AIG1: variants seen among roughly 807,000 people sequenced by gnomAD.
AIG1 encodes androgen-induced gene 1 protein.
In AIG1, 23 loss-of-function variants were observed where a neutral mutation model predicts 31.4. The observed-to-expected ratio is 0.73, with a 90% CI of 0.53 to 1.04. The LOEUF (loss-of-function observed/expected upper bound fraction) is 1.04. Ranked by LOEUF, AIG1 falls within the 50% of genes least tolerant of loss-of-function variation. The probability of loss-of-function intolerance (pLI) is 0.00; values close to 1 mark genes in which losing one functional copy is unlikely to be tolerated. For synonymous variants in AIG1, 100 were observed against 110.5 expected (o/e 0.90, Z 0.60); for missense variants, 274 against 295.0 (o/e 0.93, Z 0.52).
chr6:143,243,336 C>A (rs1448287707), intron 3 of AIG1, among the ~76,000 whole-genome samples: 1 of 152,158 alleles, frequency 6.6e-6, no homozygotes, highest in Non-Finnish European at 1.5e-5. Context: ...AATGCATCAT[C>A]AGGAGTGATA....
At chr6:143,314,133 G>A (rs1402080699) in intron 4 of AIG1, among the ~76,000 whole-genome samples, 1 of 144,656 alleles carries the variant, frequency 6.9e-6, no homozygotes, top group Non-Finnish European at 1.5e-5. Context: ...AGGATTGCTT[G>A]AGGCCAGGAG....
intron 1 of AIG1, among the ~76,000 whole-genome samples, chr6:143,092,401 C>T (rs1161053581): frequency 6.6e-6 from 1 of 150,442 alleles, no homozygotes; most frequent in African/African-American, 2.5e-5. Flanking sequence ...TTACAGGGAT[C>T]AGCTACCATC....
At chr6:143,150,618 GAA>G (rs1785127200) in intron 2 of AIG1, among the ~76,000 whole-genome samples, 1 of 152,112 alleles carries the variant, frequency 6.6e-6, no homozygotes, top group Non-Finnish European at 1.5e-5. Context: ...CCTATCGCAA[GAA>G]AATGCCTGCC....
intron 3 of AIG1, among the ~76,000 whole-genome samples, chr6:143,282,414 A>G (rs899720052): frequency 6.6e-6 from 1 of 152,206 alleles, no homozygotes; most frequent in South Asian, 2.1e-4. Context: ...TATTGTTGCC[A>G]TCTCAAACTG....
rs541339864 is a variant in AIG1, at chr6:143,178,121, CTT to C, written c.399+12941_399+12942del. ...TGAGGAGTGCGTGCATTGCCTCCCT[CTT>C]TTCCGTGGGCAGCCTTCCCACTGTA... On this transcript the variant is annotated intron_variant, in intron 3 of 5. Transcript: ENST00000357847. Among the ~76,000 whole-genome samples, 17 of 152,298 alleles carry C rather than the reference CTT, an allele frequency of 1.1e-4. No individual in the cohort carries two copies. The South Asian group carries it at 3.3e-3, about 30-fold the overall frequency.
intron 1 of AIG1, chr6:143,094,017 G>A (rs974457428): frequency 6.6e-6 from 1 of 152,206 alleles, no homozygotes; most frequent in Admixed American, 6.5e-5. Flanking sequence ...GGGACAGAGA[G>A]ACAGGAAGTA....
At chr6:143,090,525 C>A (rs1298191626) in intron 1 of AIG1, among the ~76,000 whole-genome samples, 3 of 152,190 alleles carry the variant, frequency 2.0e-5, no homozygotes, top group South Asian at 4.1e-4. Context: ...TGGGTTCAGA[C>A]CACAGCAGTA....
chr6:143,291,757 A>G lies in AIG1; in HGVS notation c.515+7532A>G, dbSNP rs1429519860. On this transcript the variant is annotated intron_variant, in intron 4 of 5. Transcript: ENST00000357847. The surrounding 1 kb of genome is among the most constrained non-coding windows in gnomAD (Gnocchi z 4.2). ...TAAGCCTGCTGTGTTCAAGGAAAGC[A>G]GAAGGCCACTGTGTGTTGAAGCAGA... is the stretch of plus-strand genomic sequence containing the variant. Among the ~76,000 whole-genome samples, 2 of 152,204 alleles carry G rather than the reference A, an allele frequency of 1.3e-5. No homozygotes were observed. Among genetic ancestry groups the G allele is most frequent in the African/African-American group, 4.8e-5 (2 of 41,448 alleles).
intron 3 of AIG1, among the ~76,000 whole-genome samples, chr6:143,165,920 C>T (rs1786891740): frequency 6.6e-6 from 1 of 152,148 alleles, no homozygotes; most frequent in Non-Finnish European, 1.5e-5. Context: ...TGGAATTGAG[C>T]ACTACTTTGT....
intron 3 of AIG1, among the ~76,000 whole-genome samples, chr6:143,219,166 GTA>G (rs1792266040): frequency 6.6e-6 from 1 of 152,350 alleles, no homozygotes; most frequent in Admixed American, 6.5e-5. Flanking sequence ...TGCCATATCT[GTA>G]AAGATCAGAA....
chr6:143,214,590 CA>C (rs1791856569), intron 3 of AIG1, among the ~76,000 whole-genome samples: 1 of 152,066 alleles, frequency 6.6e-6, no homozygotes, highest in South Asian at 2.1e-4. Flanking sequence ...CCATGCCATC[CA>C]AATCCTCCTC....
intron 4 of AIG1, among the ~76,000 whole-genome samples, chr6:143,290,120 G>A (rs1797952992): frequency 6.6e-6 from 1 of 152,168 alleles, no homozygotes; most frequent in South Asian, 2.1e-4. Flanking sequence ...ATATATGTAT[G>A]GGTCTGCAGC....
intron 4 of AIG1, among the ~76,000 whole-genome samples, chr6:143,285,744 C>G (rs1416480585): frequency 6.6e-6 from 1 of 152,096 alleles, no homozygotes; most frequent in Non-Finnish European, 1.5e-5. Context: ...TTCCTAATTA[C>G]TTTCTAAGTT....
At position 143,087,882 on chromosome 6, in the gene AIG1, T is replaced by G. The variant is rs1471675921; in HGVS notation, c.141+26816T>G. Among the ~76,000 whole-genome samples, 5 of 152,244 alleles carry G rather than the reference T, an allele frequency of 3.3e-5. No homozygotes were observed. The East Asian group carries it at 9.6e-4, about 29-fold the overall frequency. On this transcript the variant is annotated intron_variant, in intron 1 of 5. Transcript: ENST00000357847. ...ATAATGGCAATGATCACTCAGGGTGTGTAAACCTGACAATTTCCTGTTTAG... is the reference window on the plus strand; with the variant it reads ...ATAATGGCAATGATCACTCAGGGTGGGTAAACCTGACAATTTCCTGTTTAG...
intron 4 of AIG1, among the ~76,000 whole-genome samples, chr6:143,324,812 A>G (rs1016398360): frequency 2.0e-5 from 3 of 152,180 alleles, no homozygotes; most frequent in African/African-American, 7.2e-5. Flanking sequence ...AAGTTTTTAA[A>G]TCCTCTTTAA....
In AIG1 at chr6:143,147,252, G is replaced by A. The variant is rs1784791333; in HGVS notation, c.297+10262G>A. Among the ~76,000 whole-genome samples, 3 of 152,102 alleles carry A rather than the reference G, an allele frequency of 2.0e-5. No homozygotes were observed. In the South Asian group the frequency reaches 6.2e-4, roughly 32 times the overall value. ...GGAGTGAAAGGAGCCCTTAAGCCTT[G>A]GTCTGCTTTTGTGCTTTTCTGGATT... is the stretch of plus-strand genomic sequence containing the variant. On this transcript the variant is annotated intron_variant, in intron 2 of 5. Coordinates refer to ENST00000357847, the MANE Select transcript of AIG1 (RefSeq NM_016108.4).
intron 3 of AIG1, among the ~76,000 whole-genome samples, chr6:143,259,394 T>C (rs1034175251): frequency 6.6e-6 from 1 of 152,192 alleles, no homozygotes; most frequent in Non-Finnish European, 1.5e-5. Context: ...TCTTCCCTGA[T>C]ACTACACTTT....
intron 4 of AIG1, among the ~76,000 whole-genome samples, chr6:143,323,154 T>G (rs1393199784): frequency 6.6e-6 from 1 of 152,208 alleles, no homozygotes; most frequent in Non-Finnish European, 1.5e-5. Flanking sequence ...CAGGACCAGT[T>G]AATCGTTGAT....
At chr6:143,187,802 G>A in intron 3 of AIG1, 2 of 1,499,366 alleles carry the variant, frequency 1.3e-6, no homozygotes, top group Non-Finnish European at 1.8e-6. Context: ...GCGAAGTTTT[G>A]CCAAGTTGAT....
Sources: allele counts gnomAD v4.1 joint callset (sites outside exome capture counted in the v4.1 genomes callset), GRCh38; gene constraint gnomAD v4.1.1; non-coding constraint Gnocchi (gnomAD v3.1); transcripts MANE v1.5; gene names NCBI Gene and HGNC (gene_info 2026-07-23, HGNC 2026-07-21).